MCF2: variants seen among roughly 807,000 people sequenced by gnomAD.
MCF2 encodes the protein MCF.2 cell line derived transforming sequence.
Under a neutral mutation model 82.5 loss-of-function variants are expected in MCF2, and 44 were observed. That is an observed-to-expected ratio of 0.53 (90% CI 0.42 to 0.69). MCF2 has a LOEUF of 0.69. MCF2 is among the 30% of genes least tolerant of loss of function. The probability of loss-of-function intolerance (pLI) is 0.00; values close to 1 mark genes in which losing one functional copy is unlikely to be tolerated. For synonymous variants in MCF2, 217 were observed against 224.9 expected, an observed-to-expected ratio of 0.96 and a Z score of 0.32; for missense variants, 623 against 663.1, an observed-to-expected ratio of 0.94 and a Z score of 0.66.
chrX:139,604,553 G>T (rs1412884666), intron 15 of MCF2, 128 bp downstream of exon 19: 2 of 389,157 alleles, frequency 5.1e-6, no homozygotes, highest in Non-Finnish European at 4.3e-6. Context: ...ATACTTGCTG[G>T]AGTAATGTGT....
chrX:139,649,226 C>G (rs1933909493), intron 2 of MCF2, among the ~76,000 whole-genome samples: 1 of 111,824 alleles, frequency 8.9e-6, no homozygotes, highest in Admixed American at 9.5e-5. Context: ...AGTATTAAAT[C>G]AAAGGGTTAT....
chrX:139,626,418 C>A, intron 5 of MCF2, 111 bp from the exon 9 acceptor site: 1 of 581,715 alleles, frequency 1.7e-6, no homozygotes, highest in South Asian at 3.0e-5. Context: ...TAGCCCATGA[C>A]ACTTGGTTCT....
chrX:139,637,179 C>T (rs1933276827), intron 1 of MCF2, among the ~76,000 whole-genome samples: 1 of 111,707 alleles, frequency 9.0e-6, no homozygotes, highest in African/African-American at 3.3e-5. Flanking sequence ...TCTGTTAACC[C>T]AATAGTTACT....
In MCF2 at chrX:139,681,667, T is replaced by C. The variant is rs144617147; in HGVS notation, c.-45+26439A>G. Among the ~76,000 whole-genome samples, 598 of 112,304 alleles carry C rather than the reference T, an allele frequency of 5.3e-3. 8 individuals are homozygous for C. The highest frequency in any genetic ancestry group is 0.018 in the African/African-American group (565 of 30,925). ...TATGATCCCAGTTTGGTAAAATATCTAGATATATGTGGATTTTTTATTGTT... is the reference window on the plus strand; with the variant it reads ...TATGATCCCAGTTTGGTAAAATATCCAGATATATGTGGATTTTTTATTGTT... On this transcript the variant is annotated intron_variant, in intron 1 of 27. Transcript: ENST00000414978.
intron 1 of MCF2, among the ~76,000 whole-genome samples, chrX:139,701,087 G>C (rs185753439): frequency 8.9e-6 from 1 of 111,913 alleles, no homozygotes; most frequent in Admixed American, 9.4e-5. Flanking sequence ...CTTTTCAGGG[G>C]AAATTGAAGG....
intron 6 of MCF2, 47 bp downstream of exon 9, chrX:139,626,146 C>T (rs769807613): frequency 2.5e-6 from 2 of 812,168 alleles, no homozygotes; most frequent in East Asian, 6.7e-5. Flanking sequence ...GGAGTAAAAA[C>T]CTCTGGTGTA....
At chrX:139,626,500 A>G in intron 5 of MCF2, 123 bp downstream of exon 8, 1 of 759,725 alleles carries the variant, frequency 1.3e-6, no homozygotes, top group South Asian at 2.6e-5. Context: ...CAACCTAGAA[A>G]TAAGTTCTCA....
At chrX:139,675,307 C>T (rs1433932579) in intron 1 of MCF2, among the ~76,000 whole-genome samples, 1 of 112,462 alleles carries the variant, frequency 8.9e-6, no homozygotes, top group African/African-American at 3.2e-5. Flanking sequence ...TCTGTCAGCT[C>T]ATCAAAGTCA....
chrX:139,618,262 C>A (rs2148463737), intron 7 of MCF2, among the ~76,000 whole-genome samples: 1 of 110,033 alleles, frequency 9.1e-6, no homozygotes, highest in Non-Finnish European at 1.9e-5. Context: ...AAATGCTTGT[C>A]AAAATAAAAT....
chrX:139,619,785 A>G, intron 6 of MCF2, 79 bp from the exon 10 acceptor site: 3 of 758,388 alleles, frequency 4.0e-6, no homozygotes, highest in Non-Finnish European at 5.5e-6. Flanking sequence ...AATGCTTTTA[A>G]ACAAAAATAT....
At chrX:139,693,239 T>C (rs1260415278) in intron 1 of MCF2, among the ~76,000 whole-genome samples, 1 of 111,649 alleles carries the variant, frequency 9.0e-6, no homozygotes, top group Admixed American at 9.5e-5. Flanking sequence ...TGTCTGAAGC[T>C]GAGCTAATGC....
intron 1 of MCF2, among the ~76,000 whole-genome samples, chrX:139,681,631 A>G (rs767802333): frequency 8.9e-6 from 1 of 112,480 alleles, no homozygotes; most frequent in Non-Finnish European, 1.9e-5. Context: ...GTCTTAGATC[A>G]ACATATGGTG....
intron 16 of MCF2, among the ~76,000 whole-genome samples, chrX:139,599,650 T>A (rs1930384227): frequency 9.0e-6 from 1 of 111,623 alleles, no homozygotes; most frequent in Admixed American, 9.5e-5. Context: ...AAGAAGTAAT[T>A]AGATAATAAC....
chrX:139,630,433 T>C (rs1932886432), intron 3 of MCF2, among the ~76,000 whole-genome samples: 1 of 111,794 alleles, frequency 8.9e-6, no homozygotes, highest in African/African-American at 3.2e-5. Context: ...TTTTGTTGTT[T>C]CTTTTGTTTC....
intron 1 of MCF2, among the ~76,000 whole-genome samples, chrX:139,654,542 A>G (rs61092502): frequency 0.18 from 19,685 of 111,357 alleles, 1,306 homozygotes; most frequent in South Asian, 0.27. Flanking sequence ...TCTGGTTACT[A>G]ATCCCTTGTC....
intron 1 of MCF2, among the ~76,000 whole-genome samples, chrX:139,652,693 T>C (rs1343930182): frequency 9.0e-6 from 1 of 111,179 alleles, no homozygotes; most frequent in African/African-American, 3.3e-5. Flanking sequence ...TTTTGGCTTG[T>C]CGGTTTTAAT....
Position 139,692,099 on chromosome X carries a change from C to T in MCF2, c.-45+16007G>A, listed in dbSNP as rs1242477255. The T allele has an allele frequency of 1.0e-5, 12 of 1,160,748 alleles. No homozygotes were observed. The African/African-American group carries it at 1.8e-4, about 17-fold the overall frequency. ...TCCTGCCGCAGGACACTGAGGTCCA[C>T]GGCGCCGAAGCGGCAGCTTGGGGCA... On this transcript the variant is annotated intron_variant, in intron 1 of 27. Coordinates refer to the MCF2 transcript ENST00000414978.
intron 1 of MCF2, among the ~76,000 whole-genome samples, chrX:139,683,102 T>C (rs181165135): frequency 7.7e-4 from 86 of 111,605 alleles, no homozygotes; most frequent in Admixed American, 4.2e-3. Flanking sequence ...GCTAATTTTT[T>C]AAAATATATT....
intron 1 of MCF2, among the ~76,000 whole-genome samples, chrX:139,663,585 T>C (rs916845478): frequency 4.6e-5 from 5 of 109,342 alleles, no homozygotes; most frequent in Non-Finnish European, 9.5e-5. Context: ...TGTTTTTTTT[T>C]TTTTTTTGGC....
Sources: allele counts gnomAD v4.1 joint callset (sites outside exome capture counted in the v4.1 genomes callset), GRCh38; gene constraint gnomAD v4.1.1; transcripts MANE v1.5; gene names NCBI Gene and HGNC (gene_info 2026-07-23, HGNC 2026-07-21).